OXT: variants seen among roughly 807,000 people sequenced by gnomAD.
OXT encodes oxytocin/neurophysin I prepropeptide.
A neutral mutation model predicts 11.2 loss-of-function variants in OXT; 9 were observed. That is an observed-to-expected ratio of 0.80 (90% CI 0.49 to 1.40). OXT has a LOEUF of 1.40. Ranked by LOEUF, OXT falls within the 40% of genes most tolerant of loss-of-function variation. OXT has a pLI of 0.00. For synonymous variants in OXT, 76 were observed against 80.9 expected (o/e 0.94, Z 0.33); for missense variants, 175 against 178.7 (o/e 0.98, Z 0.12).
In OXT at chr20:3,072,402, C is replaced by G. The variant is rs775023112; in HGVS notation, c.362C>G (p.Thr121Ser). ...GACCCTGCCTGCGACGCGGAAGCCA[C>G]CTTCTCCCAGCGCTGAAACTTGATG... is the stretch of plus-strand genomic sequence containing the variant. The part of the protein sequence containing the change: ...HADPACDAEA[T>S]FSQR The change falls in exon 3 of 3, where the codon ACC (threonine) becomes AGC (serine). Residue 121 changes from threonine to serine, a missense_variant. Transcript: ENST00000217386. 1 of 1,612,872 alleles carries G rather than the reference C, an allele frequency of 6.2e-7. No homozygotes were observed.
Position 3,072,092 on chromosome 20 carries a change from C to G in OXT, c.136C>G (p.Pro46Ala). ...LDVRKCLPCG[P>A]GGKGRCFGPN... ...GTCCCCGCAGTGCCTCCCCTGCGGCCCCGGGGGCAAAGGCCGCTGCTTCGG... is the reference window on the plus strand; with the variant it reads ...GTCCCCGCAGTGCCTCCCCTGCGGCGCCGGGGGCAAAGGCCGCTGCTTCGG... Residue 46 changes from proline to alanine, a missense_variant, in exon 2 of 3, where the codon CCC becomes GCC. Pro to Ala is a conservative substitution (Grantham distance 27, BLOSUM62 -1). Coordinates refer to ENST00000217386, the MANE Select transcript of OXT (RefSeq NM_000915.4). 2 of 1,540,158 alleles carry G rather than the reference C, an allele frequency of 1.3e-6. No homozygotes were observed. Among genetic ancestry groups the G allele is most frequent in the Non-Finnish European group, 1.7e-6 (2 of 1,152,346 alleles).
Position 3,071,981 on chromosome 20 carries a change from C to T in OXT, c.121-96C>T. The T allele has an allele frequency of 2.9e-6, 4 of 1,366,940 alleles. No individual in the cohort carries two copies. Among genetic ancestry groups the T allele is most frequent in the Non-Finnish European group, 2.8e-6 (3 of 1,056,618 alleles). The allele number at this position is 1,366,940 out of a possible 1,614,324, so 84.7% of individuals were successfully genotyped here. A position where few individuals can be genotyped will look rare whatever the true frequency, so the allele number is the denominator to read the frequency against. On this transcript the variant is annotated intron_variant, in intron 1 of 2. Transcript: ENST00000217386. This position sits in a 1 kb window ranked among gnomAD's most constrained non-coding sequence, Gnocchi z 4.8. The stretch of plus-strand genomic sequence containing the variant: ...CCGAACTCCGAACCCCGGACCCCAG[C>T]ATCCTTGCCCGGCGCACCCCGGCCG...
Position 3,072,136 on chromosome 20 carries a change from G to A in OXT, c.180G>A (p.Ala60=), listed in dbSNP as rs2148565949. Residue 60 remains alanine, a synonymous_variant, in exon 2 of 3, where the codon GCG becomes GCA. Transcript: ENST00000217386. ...GRCFGPNICC[A]EELGCFVGTA... Reference sequence around the variant, plus strand: ...GCTTCGGGCCCAATATCTGCTGCGCGGAAGAGCTGGGCTGCTTCGTGGGCA... The same window carrying A: ...GCTTCGGGCCCAATATCTGCTGCGCAGAAGAGCTGGGCTGCTTCGTGGGCA... The A allele has an allele frequency of 6.3e-7, 1 of 1,584,986 alleles. No individual in the cohort carries two copies.
In OXT at chr20:3,071,940, A is replaced by C. The variant is rs111869749; in HGVS notation, c.121-137A>C. ...CCCCCACGGCGCCCCAGCGCGTCTC[A>C]GCCCCGCTGTCCCGCCCGAACTCCG... On this transcript the variant is annotated intron_variant, in intron 1 of 2. Transcript: ENST00000217386. This position sits in a 1 kb window ranked among gnomAD's most constrained non-coding sequence, Gnocchi z 4.8. 1 of 1,351,424 alleles carries C rather than the reference A, an allele frequency of 7.4e-7. No individual in the cohort carries two copies. The highest frequency in any genetic ancestry group is 9.6e-7 in the Non-Finnish European group (1 of 1,037,720). The allele number at this position is 1,351,424 out of a possible 1,614,324, so 83.7% of individuals were successfully genotyped here.
chr20:3,071,897 C>G lies in OXT; in HGVS notation c.120+122C>G. On this transcript the variant is annotated intron_variant, in intron 1 of 2. Transcript: ENST00000217386. This position sits in a 1 kb window ranked among gnomAD's most constrained non-coding sequence, Gnocchi z 4.8. Reference sequence around the variant, plus strand: ...AGCTGAGCGGATTTTGACGCCCCGCCCTTGACCGCGGTCGAGGCCCCCACG... The same window carrying G: ...AGCTGAGCGGATTTTGACGCCCCGCGCTTGACCGCGGTCGAGGCCCCCACG... 1 of 1,391,258 alleles carries G rather than the reference C, an allele frequency of 7.2e-7. No homozygotes were observed. Among genetic ancestry groups the G allele is most frequent in the Non-Finnish European group, 9.4e-7 (1 of 1,067,390 alleles). 86.2% of individuals were successfully genotyped at this position (1,391,258 alleles called of 1,614,324 possible).
chr20:3,072,305 C>CA (rs34097556), intron 2 of OXT, 27 bp downstream of exon 2: 269,070 of 1,599,508 alleles, frequency 0.17, 23,271 homozygotes, highest in South Asian at 0.2. Context: ...GCTCCGGGGC[C>CA]AGGGGGAGGC....
rs766175141 is a variant in OXT at position 3,072,409 on chromosome 20, C to G, written c.369C>G (p.Ser123=). The G allele has an allele frequency of 8.7e-6, 14 of 1,612,964 alleles. No individual in the cohort carries two copies. The highest frequency in any genetic ancestry group is 1.1e-5 in the Non-Finnish European group (13 of 1,179,996). ...CCTGCGACGCGGAAGCCACCTTCTC[C>G]CAGCGCTGAAACTTGATGGCTCCGA... ...DPACDAEATF[S]QR is the part of the protein sequence containing the mutation. Residue 123 remains serine (S), a synonymous_variant, in exon 3 of 3, where the codon TCC becomes TCG. Coordinates refer to ENST00000217386, the MANE Select transcript of OXT (RefSeq NM_000915.4).
In OXT at chr20:3,072,516, T is replaced by A; in HGVS notation, c.*98T>A. On this transcript the variant is annotated 3_prime_UTR_variant, in exon 3 of 3. Coordinates refer to ENST00000217386, the MANE Select transcript of OXT (RefSeq NM_000915.4). Reference sequence around the variant, plus strand: ...TAAAATAAAGCAGGTTTTTCTCCTCTACCTTGACTCGTGTCTAAGTGCCAG... The same window carrying A: ...TAAAATAAAGCAGGTTTTTCTCCTCAACCTTGACTCGTGTCTAAGTGCCAG... 1.5e-6 allele frequency: 2 copies of A among 1,300,332 alleles called. No individual in the cohort carries two copies. The highest frequency in any genetic ancestry group is 2.2e-6 in the Non-Finnish European group (2 of 913,886). The allele number at this position is 1,300,332 out of a possible 1,614,324, so 80.5% of individuals were successfully genotyped here. A position where few individuals can be genotyped will look rare whatever the true frequency, so the allele number is the denominator to read the frequency against.
Position 3,071,763 on chromosome 20 carries a change from C to A in OXT, c.108C>A (p.Leu36=). 6.3e-7 allele frequency: 1 copy of A among 1,575,854 alleles called. No homozygotes were observed. Among genetic ancestry groups the A allele is most frequent in the East Asian group, 2.3e-5 (1 of 43,260 alleles). Residue 36 remains leucine (L), a synonymous_variant, in exon 1 of 3, where the codon CTC becomes CTA. Coordinates refer to ENST00000217386, the MANE Select transcript of OXT (RefSeq NM_000915.4). The surrounding 1 kb of genome is among the most constrained non-coding windows in gnomAD (Gnocchi z 4.8). ...PLGGKRAAPD[L]DVRKCLPCGP... ...GAGGCAAGAGGGCCGCGCCGGACCT[C>A]GACGTGCGCAAGGTGAGTCCCCAGC...
Position 3,071,990 on chromosome 20 carries a change from C to T in OXT, c.121-87C>T, listed in dbSNP as rs561539423. The T allele has an allele frequency of 2.0e-5, 27 of 1,382,282 alleles. No individual in the cohort carries two copies. In the South Asian group the frequency reaches 4.0e-4, roughly 20 times the overall value. 85.6% of individuals were successfully genotyped at this position (1,382,282 alleles called of 1,614,324 possible). On this transcript the variant is annotated intron_variant, in intron 1 of 2. Coordinates refer to ENST00000217386, the MANE Select transcript of OXT (RefSeq NM_000915.4). This position sits in a 1 kb window ranked among gnomAD's most constrained non-coding sequence, Gnocchi z 4.8. ...GAACCCCGGACCCCAGCATCCTTGCCCGGCGCACCCCGGCCGGCCTCGCAG... is the reference window on the plus strand; with the variant it reads ...GAACCCCGGACCCCAGCATCCTTGCTCGGCGCACCCCGGCCGGCCTCGCAG...
In OXT at chr20:3,072,274, C is replaced by T. The variant is rs373657534; in HGVS notation, c.318C>T (p.Ser106=). Residue 106 remains serine, a synonymous_variant, in exon 2 of 3, where the codon AGC becomes AGT. Coordinates refer to ENST00000217386, the MANE Select transcript of OXT (RefSeq NM_000915.4). ...GRCAVLGLCC[S]PDGCHADPAC... ...GCGCGGTCTTGGGCCTCTGCTGCAGCCCGGGTGAGCGGGGCAAGGCGCTCC... is the reference window on the plus strand; with the variant it reads ...GCGCGGTCTTGGGCCTCTGCTGCAGTCCGGGTGAGCGGGGCAAGGCGCTCC... The T allele has an allele frequency of 1.5e-4, 238 of 1,595,678 alleles. No individual in the cohort carries two copies. Among genetic ancestry groups the T allele is most frequent in the Non-Finnish European group, 2.0e-4 (233 of 1,177,104 alleles).
intron 2 of OXT, 42 bp from the exon 3 acceptor site, chr20:3,072,321 G>A: frequency 6.2e-7 from 1 of 1,602,548 alleles, no homozygotes; most frequent in Non-Finnish European, 8.5e-7. Context: ...GAGGCGGGCG[G>A]GGGTGCGGCC....
Position 3,072,436 on chromosome 20 carries a change from C to T in OXT, c.*18C>T. ...AGCGCTGAAACTTGATGGCTCCGAA[C>T]ACCCTCGAAGCGCGCCACTCGCTTC... On this transcript the variant is annotated 3_prime_UTR_variant, in exon 3 of 3. Transcript: ENST00000217386. 6.2e-7 allele frequency: 1 copy of T among 1,612,264 alleles called. No homozygotes were observed.
chr20:3,071,874 C>A lies in OXT; in HGVS notation c.120+99C>A. The A allele has an allele frequency of 7.0e-7, 1 of 1,433,776 alleles. No homozygotes were observed. The allele number at this position is 1,433,776 out of a possible 1,614,324, so 88.8% of individuals were successfully genotyped here. A position where few individuals can be genotyped will look rare whatever the true frequency, so the allele number is the denominator to read the frequency against. On this transcript the variant is annotated intron_variant, in intron 1 of 2. Coordinates refer to ENST00000217386, the MANE Select transcript of OXT (RefSeq NM_000915.4). This position sits in a 1 kb window ranked among gnomAD's most constrained non-coding sequence, Gnocchi z 4.8. ...CGGCCTCGCCTGAGAACTCCAGGAG[C>A]TGAGCGGATTTTGACGCCCCGCCCT...
In OXT at chr20:3,072,367, C is replaced by T. The variant is rs777879919; in HGVS notation, c.327C>T (p.Gly109=). Residue 109 remains glycine, a synonymous_variant, in exon 3 of 3, where the codon GGC becomes GGT. Transcript: ENST00000217386. ...TGACTCCACCTCTTCCTCCAGACGG[C>T]TGCCACGCCGACCCTGCCTGCGACG... ...AVLGLCCSPD[G]CHADPACDAE... is the part of the protein sequence containing the mutation. 4.3e-6 allele frequency: 7 copies of T among 1,610,458 alleles called. No homozygotes were observed. In the East Asian group the frequency reaches 1.6e-4, roughly 36 times the overall value.
chr20:3,072,260 G>A lies in OXT; in HGVS notation c.304G>A (p.Gly102Ser). Residue 102 changes from glycine (G) to serine (S), a missense_variant, in exon 2 of 3, where the codon GGC becomes AGC. Transcript: ENST00000217386. The stretch of plus-strand genomic sequence containing the variant: ...GAGCGGGGGCCGCTGCGCGGTCTTG[G>A]GCCTCTGCTGCAGCCCGGGTGAGCG... ...CGSGGRCAVL[G>S]LCCSPDGCHA... is the part of the protein sequence containing the mutation. The A allele has an allele frequency of 1.1e-5, 17 of 1,595,616 alleles. No individual in the cohort carries two copies. Among genetic ancestry groups the A allele is most frequent in the Non-Finnish European group, 1.4e-5 (17 of 1,177,190 alleles).
In OXT at chr20:3,072,454, C is replaced by T. The variant is rs746072874; in HGVS notation, c.*36C>T. The T allele has an allele frequency of 1.2e-6, 2 of 1,606,290 alleles. No individual in the cohort carries two copies. The highest frequency in any genetic ancestry group is 1.7e-6 in the Non-Finnish European group (2 of 1,174,206). On this transcript the variant is annotated 3_prime_UTR_variant, in exon 3 of 3. Coordinates refer to ENST00000217386, the MANE Select transcript of OXT (RefSeq NM_000915.4). ...CTCCGAACACCCTCGAAGCGCGCCA[C>T]TCGCTTCCCCCATAGCCACCCCAGA...
Position 3,072,353 on chromosome 20 carries a change from C to T in OXT, c.323-10C>T, listed in dbSNP as rs763643438. On this transcript the variant is annotated splice_polypyrimidine_tract_variant and intron_variant, in intron 2 of 2. Coordinates refer to ENST00000217386, the MANE Select transcript of OXT (RefSeq NM_000915.4). Reference sequence around the variant, plus strand: ...GGCCGGGATTCCCCTGACTCCACCTCTTCCTCCAGACGGCTGCCACGCCGA... The same window carrying T: ...GGCCGGGATTCCCCTGACTCCACCTTTTCCTCCAGACGGCTGCCACGCCGA... 1.9e-6 allele frequency: 3 copies of T among 1,608,734 alleles called. No individual in the cohort carries two copies. In the South Asian group the frequency reaches 3.3e-5, roughly 18 times the overall value.
intron 2 of OXT, 37 bp downstream of exon 2, chr20:3,072,315 C>T (rs773224171): frequency 4.5e-6 from 6 of 1,341,276 alleles, no homozygotes; most frequent in South Asian, 3.5e-5. Flanking sequence ...CAGGGGGAGG[C>T]GGGCGGGGGT....
Sources: allele counts gnomAD v4.1 joint callset, GRCh38; gene constraint gnomAD v4.1.1; non-coding constraint Gnocchi (gnomAD v3.1); transcripts MANE v1.5; gene names NCBI Gene and HGNC (gene_info 2026-07-23, HGNC 2026-07-21).